Variants in CALM3 observed in about 807,000 individuals in gnomAD.
CALM3 encodes the protein calmodulin 3.
In CALM3, 5 loss-of-function variants were observed where a neutral mutation model predicts 20.1. That is an observed-to-expected ratio of 0.25 (90% CI 0.13 to 0.52). The LOEUF is 0.52. Among genes scored for constraint, CALM3 ranks in the 20% least tolerant of loss-of-function variants. CALM3 has a pLI of 0.96. For missense variants in CALM3, 57 were observed against 192.8 expected, an observed-to-expected ratio of 0.30 and a Z score of 4.17; for synonymous variants, 69 against 68.1, an observed-to-expected ratio of 1.01 and a Z score of -0.06.
intron 2 of CALM3, among the ~76,000 whole-genome samples, chr19:46,606,584 A>G (rs1248886000): frequency 2.0e-5 from 3 of 152,168 alleles, no homozygotes; most frequent in Admixed American, 6.5e-5. Flanking sequence ...GGTCCCTGCT[A>G]TAGCCTTAAT....
intron 1 of CALM3, among the ~76,000 whole-genome samples, chr19:46,603,706 T>G (rs1348738256): frequency 6.6e-6 from 1 of 152,122 alleles, no homozygotes; most frequent in Non-Finnish European, 1.5e-5. Flanking sequence ...GGCGGTCGGT[T>G]TTCTGGGCGG....
rs1971611084 is a variant in CALM3 at position 46,601,392 on chromosome 19, G to T, written c.-43G>T. The T allele has an allele frequency of 3.3e-6, 5 of 1,504,520 alleles. No individual in the cohort carries two copies. The highest frequency in any genetic ancestry group is 4.4e-6 in the Non-Finnish European group (5 of 1,129,660). The allele number at this position is 1,504,520 out of a possible 1,614,324, so 93.2% of individuals were successfully genotyped here. Reference sequence around the variant, plus strand: ...ACTGCTGCAGCTGCTGCCGCCGCCGGAGGAACCTTGATCCCCGTGCTCCGG... The same window carrying T: ...ACTGCTGCAGCTGCTGCCGCCGCCGTAGGAACCTTGATCCCCGTGCTCCGG... On this transcript the variant is annotated 5_prime_UTR_variant, in exon 1 of 6. Transcript: ENST00000291295. This position sits in a 1 kb window ranked among gnomAD's most constrained non-coding sequence, Gnocchi z 4.2.
upstream of CALM3, chr19:46,601,292 G>T (rs1337333282): frequency 1.9e-4 from 130 of 685,884 alleles, 1 homozygote; most frequent in Non-Finnish European, 2.4e-4. This position sits in a 1 kb window ranked among gnomAD's most constrained non-coding sequence, Gnocchi z 4.2. Context: ...GGACCGTTGG[G>T]GCGGGAGGCG....
At position 46,608,184 on chromosome 19, in the gene CALM3, C is replaced by A; in HGVS notation, c.35-13C>A. The A allele has an allele frequency of 6.2e-7, 1 of 1,612,062 alleles. No homozygotes were observed. The highest frequency in any genetic ancestry group is 8.5e-7 in the Non-Finnish European group (1 of 1,179,040). On this transcript the variant is annotated splice_polypyrimidine_tract_variant and intron_variant, in intron 2 of 5. Coordinates refer to ENST00000291295, the MANE Select transcript of CALM3 (RefSeq NM_005184.4). This position sits in a 1 kb window ranked among gnomAD's most constrained non-coding sequence, Gnocchi z 5.5. ...ACCTTGTGACCTCTGACTCCTCCCCCTTCTTCCCCCAGAGTTCAAGGAGGC... is the reference window on the plus strand; with the variant it reads ...ACCTTGTGACCTCTGACTCCTCCCCATTCTTCCCCCAGAGTTCAAGGAGGC...
chr19:46,606,981 C>G (rs1030641133), intron 2 of CALM3, among the ~76,000 whole-genome samples: 3 of 152,108 alleles, frequency 2.0e-5, no homozygotes, highest in Non-Finnish European at 2.9e-5. Flanking sequence ...CAGGAACGGA[C>G]TTGCCTTCTC....
chr19:46,608,855 G>A lies in CALM3; in HGVS notation c.295G>A (p.Gly99Ser). ...TATCCCCAACCCCCAGGATGGGAATGGCTACATCAGCGCCGCAGAGCTGCG... is the reference window on the plus strand; with the variant it reads ...TATCCCCAACCCCCAGGATGGGAATAGCTACATCAGCGCCGCAGAGCTGCG... ...AFRVFDKDGNGYISAAELRHV... is the reference protein window; with the variant it reads ...AFRVFDKDGNSYISAAELRHV... Residue 99 changes from glycine to serine, a missense_variant, in exon 5 of 6, where the codon GGC becomes AGC. Transcript: ENST00000291295. The surrounding 1 kb of genome is among the most constrained non-coding windows in gnomAD (Gnocchi z 5.5). The A allele has an allele frequency of 6.4e-7, 1 of 1,562,034 alleles. No individual in the cohort carries two copies. The highest frequency in any genetic ancestry group is 8.6e-7 in the Non-Finnish European group (1 of 1,156,164).
Position 46,608,839 on chromosome 19 carries a change from C to T in CALM3, c.286-7C>T. ...GCCCAGTGAAAGGCTTTATCCCCAA[C>T]CCCCAGGATGGGAATGGCTACATCA... is the stretch of plus-strand genomic sequence containing the variant. On this transcript the variant is annotated splice_polypyrimidine_tract_variant and splice_region_variant and intron_variant, in intron 4 of 5. Transcript: ENST00000291295. This position sits in a 1 kb window ranked among gnomAD's most constrained non-coding sequence, Gnocchi z 5.5. 1 of 1,543,298 alleles carries T rather than the reference C, an allele frequency of 6.5e-7. No homozygotes were observed. Among genetic ancestry groups the T allele is most frequent in the Non-Finnish European group, 8.7e-7 (1 of 1,147,388 alleles).
upstream of CALM3, chr19:46,601,239 G>A (rs1568660985): frequency 5.5e-5 from 16 of 293,220 alleles, no homozygotes; most frequent in Non-Finnish European, 8.5e-5. The surrounding 1 kb of genome is among the most constrained non-coding windows in gnomAD (Gnocchi z 4.2). Context: ...GGGCCGGGTG[G>A]GGCGGGGCCG....
chr19:46,608,470 CCCA>C lies in CALM3; in HGVS notation c.179-9_179-7del, dbSNP rs1236287751. On this transcript the variant is annotated splice_polypyrimidine_tract_variant and intron_variant, in intron 3 of 5. Transcript: ENST00000291295. The surrounding 1 kb of genome is among the most constrained non-coding windows in gnomAD (Gnocchi z 5.5). ...GGCCAAGAGCATTCTCCATCCTTTC[CCCA>C]CCTTCCAGGGAACGGGACCATTGAC... is the stretch of plus-strand genomic sequence containing the variant. 2 of 1,612,944 alleles carry C rather than the reference CCCA, an allele frequency of 1.2e-6. No individual in the cohort carries two copies. The highest frequency in any genetic ancestry group is 1.7e-6 in the Non-Finnish European group (2 of 1,178,872).
chr19:46,605,999 T>G lies in CALM3; in HGVS notation c.34+142T>G. 2.7e-6 allele frequency: 2 copies of G among 735,600 alleles called. No individual in the cohort carries two copies. Among genetic ancestry groups the G allele is most frequent in the Non-Finnish European group, 2.4e-6 (1 of 423,946 alleles). The allele number at this position is 735,600 out of a possible 1,614,324, so 45.6% of individuals were successfully genotyped here. A position where few individuals can be genotyped will look rare whatever the true frequency, so the allele number is the denominator to read the frequency against. ...ACACTATGCCTTGTGCCTAGAATGC[T>G]GATAAATGTGTGTAAGAGCACACCA... On this transcript the variant is annotated intron_variant, in intron 2 of 5. Coordinates refer to ENST00000291295, the MANE Select transcript of CALM3 (RefSeq NM_005184.4). The surrounding 1 kb of genome is among the most constrained non-coding windows in gnomAD (Gnocchi z 4.1).
rs1971621609 is a variant in CALM3 at position 46,601,708 on chromosome 19, G to A, written c.3+271G>A. Reference sequence around the variant, plus strand: ...CCCCTAAAGGGGACATTTGAACCCCGGATGGAGGATCGGGACCCTCAGTGG... The same window carrying A: ...CCCCTAAAGGGGACATTTGAACCCCAGATGGAGGATCGGGACCCTCAGTGG... On this transcript the variant is annotated intron_variant, in intron 1 of 5. Coordinates refer to ENST00000291295, the MANE Select transcript of CALM3 (RefSeq NM_005184.4). The surrounding 1 kb of genome is among the most constrained non-coding windows in gnomAD (Gnocchi z 4.2). Among the ~76,000 whole-genome samples, 1 of 152,238 alleles carries A rather than the reference G, an allele frequency of 6.6e-6. No homozygotes were observed. The highest frequency in any genetic ancestry group is 2.4e-5 in the African/African-American group (1 of 41,462).
Position 46,608,655 on chromosome 19 carries a change from G to A in CALM3, c.285+67G>A. On this transcript the variant is annotated intron_variant, in intron 4 of 5. Coordinates refer to ENST00000291295, the MANE Select transcript of CALM3 (RefSeq NM_005184.4). The surrounding 1 kb of genome is among the most constrained non-coding windows in gnomAD (Gnocchi z 5.5). ...GCCTTCAGGCAGACAGGCGGAACTG[G>A]AGCCACGGAGCTACCACTTCCAGGA... 7.2e-7 allele frequency: 1 copy of A among 1,394,510 alleles called. No homozygotes were observed. Among genetic ancestry groups the A allele is most frequent in the East Asian group, 2.4e-5 (1 of 42,550 alleles). The allele number at this position is 1,394,510 out of a possible 1,614,324, so 86.4% of individuals were successfully genotyped here. A position where few individuals can be genotyped will look rare whatever the true frequency, so the allele number is the denominator to read the frequency against.
chr19:46,602,193 A>G (rs1405061299), intron 1 of CALM3: 2 of 1,355,036 alleles, frequency 1.5e-6, no homozygotes, highest in Admixed American at 2.0e-5. Context: ...AGGGTCGTGG[A>G]GGTGGTGAAA....
chr19:46,609,410 C>G lies in CALM3; in HGVS notation c.*257C>G. 1.8e-6 allele frequency: 1 copy of G among 567,212 alleles called. No homozygotes were observed. Among genetic ancestry groups the G allele is most frequent in the Non-Finnish European group, 3.1e-6 (1 of 318,422 alleles). The allele number at this position is 567,212 out of a possible 1,614,324, so 35.1% of individuals were successfully genotyped here. ...CATCCATGTCTTCCAAGGCCTGATG[C>G]ATTCATAAGTTGAAGCCCTCCCCAG... On this transcript the variant is annotated 3_prime_UTR_variant, in exon 6 of 6. Coordinates refer to ENST00000291295, the MANE Select transcript of CALM3 (RefSeq NM_005184.4).
rs761908881 is a variant in CALM3 at position 46,605,789 on chromosome 19, C to T, written c.4-38C>T. Reference sequence around the variant, plus strand: ...GTGAGGAAGATGCGTCCGTGCTGTCCGGCCTGGTGACTGACTTTCCCCTTC... The same window carrying T: ...GTGAGGAAGATGCGTCCGTGCTGTCTGGCCTGGTGACTGACTTTCCCCTTC... On this transcript the variant is annotated intron_variant, in intron 1 of 5. Coordinates refer to ENST00000291295, the MANE Select transcript of CALM3 (RefSeq NM_005184.4). The surrounding 1 kb of genome is among the most constrained non-coding windows in gnomAD (Gnocchi z 4.1). 6.8e-6 allele frequency: 11 copies of T among 1,612,230 alleles called. No homozygotes were observed. The highest frequency in any genetic ancestry group is 5.3e-5 in the African/African-American group (4 of 74,906).
At position 46,608,635 on chromosome 19, in the gene CALM3, C is replaced by A; in HGVS notation, c.285+47C>A. On this transcript the variant is annotated intron_variant, in intron 4 of 5. Coordinates refer to ENST00000291295, the MANE Select transcript of CALM3 (RefSeq NM_005184.4). This position sits in a 1 kb window ranked among gnomAD's most constrained non-coding sequence, Gnocchi z 5.5. Reference sequence around the variant, plus strand: ...CGGCTCTGAGACTGACGCCAGCCTTCAGGCAGACAGGCGGAACTGGAGCCA... The same window carrying A: ...CGGCTCTGAGACTGACGCCAGCCTTAAGGCAGACAGGCGGAACTGGAGCCA... The A allele has an allele frequency of 6.7e-7, 1 of 1,490,976 alleles. No homozygotes were observed. The highest frequency in any genetic ancestry group is 9.3e-7 in the Non-Finnish European group (1 of 1,071,688). 92.4% of individuals were successfully genotyped at this position (1,490,976 alleles called of 1,614,324 possible).
chr19:46,608,676 C>T lies in CALM3; in HGVS notation c.285+88C>T, dbSNP rs1568666528. On this transcript the variant is annotated intron_variant, in intron 4 of 5. Transcript: ENST00000291295. This position sits in a 1 kb window ranked among gnomAD's most constrained non-coding sequence, Gnocchi z 5.5. ...ACTGGAGCCACGGAGCTACCACTTC[C>T]AGGAGGTCCGGGTCCCGGTGCCAGC... The T allele has an allele frequency of 2.3e-6, 3 of 1,321,962 alleles. No homozygotes were observed. The highest frequency in any genetic ancestry group is 3.2e-6 in the Non-Finnish European group (3 of 935,520). The allele number at this position is 1,321,962 out of a possible 1,614,324, so 81.9% of individuals were successfully genotyped here.
In CALM3 at chr19:46,605,607, G is replaced by C. The variant is rs1971725691; in HGVS notation, c.4-220G>C. ...ATCGGGCCGTGCGTCCAGCAGGCCT[G>C]AGTGTCCAGCCCACCCTGGTACCCA... On this transcript the variant is annotated intron_variant, in intron 1 of 5. Transcript: ENST00000291295. The surrounding 1 kb of genome is among the most constrained non-coding windows in gnomAD (Gnocchi z 4.1). Among the ~76,000 whole-genome samples the C allele has an allele frequency of 6.6e-6, 1 of 152,260 alleles. No homozygotes were observed. Among genetic ancestry groups the C allele is most frequent in the Non-Finnish European group, 1.5e-5 (1 of 68,052 alleles).
In CALM3 at chr19:46,601,949, G is replaced by C; in HGVS notation, c.3+512G>C. 2.2e-6 allele frequency: 1 copy of C among 449,016 alleles called. No homozygotes were observed. The highest frequency in any genetic ancestry group is 2.0e-5 in the South Asian group (1 of 50,628). 27.8% of individuals were successfully genotyped at this position (449,016 alleles called of 1,614,324 possible). A position where few individuals can be genotyped will look rare whatever the true frequency, so the allele number is the denominator to read the frequency against. The stretch of plus-strand genomic sequence containing the variant: ...TGGTGGAGGGTAGCTGGGCCCGGGC[G>C]GGGAGGGGCGACCCCTGGGCTCCTG... On this transcript the variant is annotated intron_variant, in intron 1 of 5. Transcript: ENST00000291295. This position sits in a 1 kb window ranked among gnomAD's most constrained non-coding sequence, Gnocchi z 4.2.
Sources: gnomAD v4.1 joint callset for allele counts (sites outside exome capture counted in the v4.1 genomes callset) on GRCh38, gnomAD v4.1.1 for gene constraint, Gnocchi (gnomAD v3.1) non-coding constraint, MANE v1.5 for transcripts, NCBI Gene and HGNC (gene_info 2026-07-23, HGNC 2026-07-21) for gene names.